Variants in ZNF362 observed in about 807,000 individuals in gnomAD.
ZNF362 encodes zinc finger protein 362, also known as rotund homolog.
ZNF362 carries 11 observed loss-of-function variants against 42.9 expected under a neutral mutation model. The ratio of observed to expected loss-of-function variants is 0.26; its 90% CI spans 0.16 to 0.42. The LOEUF (loss-of-function observed/expected upper bound fraction) is 0.42, where lower values mean the gene tolerates loss of function less well. ZNF362 is among the 20% of genes least tolerant of loss of function. ZNF362 has a pLI of 1.00. For synonymous variants in ZNF362, 255 were observed against 257.3 expected, an observed-to-expected ratio of 0.99 and a Z score of 0.09; for missense variants, 362 against 576.2, an observed-to-expected ratio of 0.63 and a Z score of 3.81.
chr1:33,230,037 TTTTG>T, the ZNF362 span, among the ~76,000 whole-genome samples: 7 of 152,316 alleles, frequency 4.6e-5, no homozygotes, highest in African/African-American at 1.4e-4. Flanking sequence ...AGCTGGATTT[TTTTG>T]TTTGTTTTTT....
the ZNF362 span, among the ~76,000 whole-genome samples, chr1:33,188,083 A>T: frequency 2.0e-5 from 3 of 152,008 alleles, no homozygotes; most frequent in South Asian, 6.2e-4. Flanking sequence ...AAAATACAAA[A>T]ATTAGCCGGG....
chr1:33,156,116 G>A, the ZNF362 span, among the ~76,000 whole-genome samples: 147 of 152,314 alleles, frequency 9.7e-4, no homozygotes, highest in Non-Finnish European at 1.7e-3. Flanking sequence ...GCAGCAGATC[G>A]CAGTCAAGGC....
intron 6 of ZNF362, among the ~76,000 whole-genome samples, chr1:33,284,709 C>T (rs560771697): frequency 1.6e-3 from 236 of 152,090 alleles, no homozygotes; most frequent in African/African-American, 5.4e-3. Flanking sequence ...AATACAGCCT[C>T]CTAAATTGAG....
At chr1:33,179,248 C>T in the ZNF362 span, among the ~76,000 whole-genome samples, 19 of 152,220 alleles carry the variant, frequency 1.2e-4, no homozygotes, top group African/African-American at 4.6e-4. Context: ...CTCCCAGAGG[C>T]CCAGGCCCTT....
At chr1:33,191,008 T>G in the ZNF362 span, among the ~76,000 whole-genome samples, 3 of 152,224 alleles carry the variant, frequency 2.0e-5, no homozygotes, top group East Asian at 5.8e-4. Flanking sequence ...ACTTTGGTGT[T>G]CCTCCTCAGA....
chr1:33,204,134 T>G, the ZNF362 span, among the ~76,000 whole-genome samples: 1 of 152,196 alleles, frequency 6.6e-6, no homozygotes, highest in Non-Finnish European at 1.5e-5. Flanking sequence ...TTGTCCATTT[T>G]GAGTTGATTT....
At chr1:33,155,712 G>C in the ZNF362 span, among the ~76,000 whole-genome samples, 2 of 152,164 alleles carry the variant, frequency 1.3e-5, no homozygotes, top group Non-Finnish European at 2.9e-5. Flanking sequence ...CCACTTCTCA[G>C]GGAGAATTCA....
chr1:33,291,945 T>C (rs1050951573), intron 6 of ZNF362, among the ~76,000 whole-genome samples: 1 of 152,240 alleles, frequency 6.6e-6, no homozygotes, highest in African/African-American at 2.4e-5. Context: ...TGAAGTTGCT[T>C]ATCAGCTTAA....
chr1:33,180,927 A>T, the ZNF362 span: 46 of 673,662 alleles, frequency 6.8e-5, no homozygotes, highest in Non-Finnish European at 9.2e-5. Flanking sequence ...GACCATTCTG[A>T]CTGGGCCTGG....
chr1:33,216,751 GAA>G, the ZNF362 span, among the ~76,000 whole-genome samples: 2 of 151,958 alleles, frequency 1.3e-5, no homozygotes, highest in Non-Finnish European at 2.9e-5. Context: ...ATAATAAATA[GAA>G]AGAGTTGCAT....
chr1:33,268,857 A>C lies in ZNF362; in HGVS notation c.-88-1630A>C, dbSNP rs59620393. Among the ~76,000 whole-genome samples the C allele has an allele frequency of 4.9e-3, 744 of 152,316 alleles. 8 individuals carry two copies. Among genetic ancestry groups the C allele is most frequent in the African/African-American group, 0.017 (687 of 41,564 alleles). On this transcript the variant is annotated intron_variant, in intron 1 of 8. Transcript: ENST00000539719. ...TAGGGAGCTATGGAGGGTCCTAGGAAGGGCAGGGTTATGATCTTTTATTTT... is the reference window on the plus strand; with the variant it reads ...TAGGGAGCTATGGAGGGTCCTAGGACGGGCAGGGTTATGATCTTTTATTTT...
the ZNF362 span, among the ~76,000 whole-genome samples, chr1:33,221,413 C>A: frequency 1.3e-5 from 2 of 152,162 alleles, no homozygotes; most frequent in African/African-American, 4.8e-5. Context: ...TTCCTCCCTG[C>A]TGCCAGGAAC....
At chr1:33,216,015 T>C in the ZNF362 span, among the ~76,000 whole-genome samples, 2 of 151,336 alleles carry the variant, frequency 1.3e-5, no homozygotes, top group Non-Finnish European at 2.9e-5. Flanking sequence ...CAACCTGTGA[T>C]ATATTTATAA....
In ZNF362 at chr1:33,295,167, C is replaced by T. The variant is rs1156926854; in HGVS notation, c.1008C>T (p.Asn336=). 6.2e-7 allele frequency: 1 copy of T among 1,614,032 alleles called. No individual in the cohort carries two copies. Among genetic ancestry groups the T allele is most frequent in the Non-Finnish European group, 8.5e-7 (1 of 1,180,022 alleles). The change falls in exon 8 of 9, where the codon AAC becomes AAT. Residue 336 remains asparagine, a synonymous_variant. Coordinates refer to ENST00000539719, the MANE Select transcript of ZNF362 (RefSeq NM_152493.3). ...SNLQSHQRQH[N]KDKPYKCPNC... ...TACAGTCTCACCAGCGCCAGCACAACAAGGACAAGCCCTACAAGTGTCCCA... is the reference window on the plus strand; with the variant it reads ...TACAGTCTCACCAGCGCCAGCACAATAAGGACAAGCCCTACAAGTGTCCCA...
chr1:33,270,708 C>T (rs897221843), intron 2 of ZNF362, 96 bp downstream of exon 2: 2 of 1,549,972 alleles, frequency 1.3e-6, no homozygotes, highest in African/African-American at 1.4e-5. Context: ...CCTGAGTGCC[C>T]CCGCTGCTAC....
At chr1:33,193,000 C>CATATATAT in the ZNF362 span, among the ~76,000 whole-genome samples, 1 of 21,676 alleles carries the variant, frequency 4.6e-5, no homozygotes, top group Non-Finnish European at 2.1e-4. Context: ...CACACACACA[C>CATATATAT]ACACATATAT....
the ZNF362 span, among the ~76,000 whole-genome samples, chr1:33,232,985 C>G: frequency 6.6e-6 from 1 of 152,218 alleles, no homozygotes; most frequent in Non-Finnish European, 1.5e-5. Flanking sequence ...AATAGTTTCT[C>G]TTAGTCCCAA....
the ZNF362 span, among the ~76,000 whole-genome samples, chr1:33,243,127 T>C: frequency 6.6e-6 from 1 of 150,918 alleles, no homozygotes; most frequent in Non-Finnish European, 1.5e-5. Context: ...TGTTATGTTA[T>C]GTTATGTTAT....
the ZNF362 span, among the ~76,000 whole-genome samples, chr1:33,155,815 G>C: frequency 6.6e-6 from 1 of 151,942 alleles, no homozygotes; most frequent in Non-Finnish European, 1.5e-5. Flanking sequence ...ATCTGCCCTT[G>C]GGGGGGATCT....
Sources: gnomAD v4.1 joint callset for allele counts (sites outside exome capture counted in the v4.1 genomes callset) on GRCh38, gnomAD v4.1.1 for gene constraint, MANE v1.5 for transcripts, NCBI Gene and HGNC (gene_info 2026-07-23, HGNC 2026-07-21) for gene names.